ENOX2: variants seen among roughly 807,000 people sequenced by gnomAD.
ENOX2 encodes APK1 antigen.
Under a neutral mutation model 45.0 loss-of-function variants are expected in ENOX2, and 36 were observed. The observed-to-expected ratio is 0.80, with a 90% CI of 0.61 to 1.06. The LOEUF is 1.06. Ranked by LOEUF, ENOX2 falls within the 50% of genes least tolerant of loss-of-function variation. The pLI, the probability that ENOX2 is intolerant of heterozygous loss-of-function variation, is 0.00. For synonymous variants in ENOX2, 174 were observed against 152.3 expected (o/e 1.14, Z -1.05); for missense variants, 423 against 462.5 (o/e 0.91, Z 0.78).
At chrX:130,798,358 C>G in intron 2 of ENOX2, among the ~76,000 whole-genome samples, 2 of 112,556 alleles carry the variant, frequency 1.8e-5, no homozygotes. Flanking sequence ...TAATTTAAAG[C>G]CAGAAAATGA....
chrX:130,826,274 C>T (rs2077719118), intron 2 of ENOX2, among the ~76,000 whole-genome samples: 1 of 111,964 alleles, frequency 8.9e-6, no homozygotes, highest in South Asian at 3.7e-4. Context: ...TCAACTTACA[C>T]AGTCCAAACA....
At chrX:130,688,681 TACTGTTGTGTGCATAAAATTCA>T (rs758649659) in intron 5 of ENOX2, among the ~76,000 whole-genome samples, 160 bp downstream of exon 5, 2 of 112,223 alleles carry the variant, frequency 1.8e-5, no homozygotes, top group African/African-American at 6.5e-5. Context: ...CACAAAAGTC[TACTGTTGTGTGCATAAAATTCA>T]ACCCTGCCTA....
At chrX:130,800,489 T>C (rs971903843) in intron 2 of ENOX2, among the ~76,000 whole-genome samples, 2 of 112,023 alleles carry the variant, frequency 1.8e-5, no homozygotes, top group South Asian at 7.5e-4. Context: ...TCAATCTACT[T>C]TAATAAACTA....
intron 2 of ENOX2, among the ~76,000 whole-genome samples, chrX:130,888,827 T>A (rs895835557): frequency 8.9e-6 from 1 of 112,021 alleles, no homozygotes; most frequent in African/African-American, 3.2e-5. Context: ...AAAAGTTTAT[T>A]AAAGAGACTG....
At chrX:130,860,982 A>G (rs751617870) in intron 2 of ENOX2, among the ~76,000 whole-genome samples, 3 of 112,072 alleles carry the variant, frequency 2.7e-5, no homozygotes, top group Non-Finnish European at 5.6e-5. Context: ...GACATCTATA[A>G]AAATGACCAG....
At chrX:130,883,557 G>A (rs760316460) in intron 2 of ENOX2, among the ~76,000 whole-genome samples, 51 of 111,655 alleles carry the variant, frequency 4.6e-4, no homozygotes, top group African/African-American at 1.6e-3. Context: ...CTTAATTATT[G>A]TATTATTCAT....
intron 14 of ENOX2, among the ~76,000 whole-genome samples, chrX:130,626,961 C>A (rs1269283124): frequency 9.0e-6 from 1 of 111,417 alleles, no homozygotes; most frequent in African/African-American, 3.3e-5. Flanking sequence ...TGAGCTGATT[C>A]ATTCTGAGGA....
chrX:130,849,627 C>G (rs1459625651), intron 2 of ENOX2, among the ~76,000 whole-genome samples: 1 of 111,887 alleles, frequency 8.9e-6, no homozygotes, highest in Non-Finnish European at 1.9e-5. Flanking sequence ...GGTCATGGAA[C>G]AGTTGTGAAG....
At chrX:130,692,580 G>GTTT (rs1194146290) in intron 4 of ENOX2, among the ~76,000 whole-genome samples, 3 of 94,917 alleles carry the variant, frequency 3.2e-5, no homozygotes, top group Non-Finnish European at 4.3e-5. Context: ...ATCTCTCTCT[G>GTTT]TTTTTTTTTT....
intron 4 of ENOX2, among the ~76,000 whole-genome samples, chrX:130,698,392 G>C (rs2037816829): frequency 9.1e-6 from 1 of 109,559 alleles, no homozygotes; most frequent in Admixed American, 9.8e-5. Context: ...TGTTAGTACA[G>C]GAGCGTGGTG....
chrX:130,881,004 C>T (rs1325805142), intron 2 of ENOX2, among the ~76,000 whole-genome samples: 2 of 112,381 alleles, frequency 1.8e-5, no homozygotes, highest in African/African-American at 3.2e-5. Flanking sequence ...ATCACTGTGG[C>T]CATCTAGACC....
intron 2 of ENOX2, among the ~76,000 whole-genome samples, chrX:130,813,327 C>T (rs1266462190): frequency 8.9e-6 from 1 of 112,408 alleles, no homozygotes; most frequent in Non-Finnish European, 1.9e-5. Flanking sequence ...ACCGTATATG[C>T]ACATTCAGAA....
chrX:130,815,081 C>G (rs1443110507), intron 2 of ENOX2, among the ~76,000 whole-genome samples: 1 of 111,602 alleles, frequency 9.0e-6, no homozygotes, highest in African/African-American at 3.3e-5. Context: ...AAAAACACAG[C>G]ACGAGAACTT....
intron 2 of ENOX2, among the ~76,000 whole-genome samples, chrX:130,875,265 CTT>C (rs545175702): frequency 4.2e-5 from 4 of 95,835 alleles, no homozygotes; most frequent in Non-Finnish European, 2.1e-5. Flanking sequence ...TCTAAGCTGG[CTT>C]TTTTTTTTTT....
At chrX:130,645,459 A>G (rs780896997) in intron 10 of ENOX2, among the ~76,000 whole-genome samples, 1 of 112,953 alleles carries the variant, frequency 8.9e-6, no homozygotes, top group South Asian at 3.7e-4. Context: ...TTTCAGGCTT[A>G]TGACTATGGT....
chrX:130,820,881 A>T (rs1186528361), intron 2 of ENOX2, among the ~76,000 whole-genome samples: 2 of 111,926 alleles, frequency 1.8e-5, no homozygotes, highest in Non-Finnish European at 3.8e-5. Flanking sequence ...AATTCAAGAG[A>T]TCTATTGTAA....
At chrX:130,716,663 G>C (rs2038338477) in intron 3 of ENOX2, among the ~76,000 whole-genome samples, 1 of 111,996 alleles carries the variant, frequency 8.9e-6, no homozygotes. Flanking sequence ...CATACTCCAG[G>C]AACAATACAC....
intron 2 of ENOX2, among the ~76,000 whole-genome samples, chrX:130,865,859 G>A (rs1318819457): frequency 1.8e-5 from 2 of 110,798 alleles, no homozygotes; most frequent in Admixed American, 9.6e-5. Context: ...CCTAATAGCC[G>A]TAGATCCTAA....
At chrX:130,720,037 A>G (rs2038435180) in intron 3 of ENOX2, among the ~76,000 whole-genome samples, 1 of 112,272 alleles carries the variant, frequency 8.9e-6, no homozygotes, top group South Asian at 3.8e-4. Context: ...ATTACTAACA[A>G]TCACCACCTG....
Sources: gnomAD v4.1 joint callset for allele counts (sites outside exome capture counted in the v4.1 genomes callset) on GRCh38, gnomAD v4.1.1 for gene constraint, MANE v1.5 for transcripts, NCBI Gene and HGNC (gene_info 2026-07-23, HGNC 2026-07-21) for gene names.